Variants in ASIC2 observed in about 807,000 individuals in gnomAD.
ASIC2 encodes the protein acid sensing ion channel subunit 2.
In ASIC2, 25 loss-of-function variants were observed where a neutral mutation model predicts 57.3. The ratio of observed to expected loss-of-function variants is 0.44; its 90% CI spans 0.32 to 0.61. The LOEUF is 0.61. Among genes scored for constraint, ASIC2 ranks in the 20% least tolerant of loss-of-function variants. ASIC2 has a pLI of 0.06. For synonymous variants in ASIC2, 319 were observed against 307.5 expected (o/e 1.04, Z -0.39); for missense variants, 641 against 738.1 (o/e 0.87, Z 1.52).
intron 1 of ASIC2, among the ~76,000 whole-genome samples, chr17:33,836,383 T>A (rs2141904690): frequency 6.6e-6 from 1 of 152,112 alleles, no homozygotes; most frequent in African/African-American, 2.4e-5. Context: ...GATTTCACCA[T>A]GTTTCTCAGG....
At chr17:33,874,045 GC>G (rs1172008082) in intron 1 of ASIC2, among the ~76,000 whole-genome samples, 1 of 152,210 alleles carries the variant, frequency 6.6e-6, no homozygotes, top group African/African-American at 2.4e-5. Flanking sequence ...CTGGGTTTTA[GC>G]CCCACGTCTT....
chr17:33,724,889 T>C (rs1565510), intron 1 of ASIC2, among the ~76,000 whole-genome samples: 56,546 of 152,038 alleles, frequency 0.37, 14,191 homozygotes, highest in African/African-American at 0.72. Context: ...CGTTCATTTT[T>C]TTCTTAAAAA....
chr17:33,851,341 TGAGGCTGG>T (rs1913758874), intron 1 of ASIC2, among the ~76,000 whole-genome samples: 1 of 151,658 alleles, frequency 6.6e-6, no homozygotes, highest in African/African-American at 2.4e-5. Flanking sequence ...TTAAAGACCA[TGAGGCTGG>T]GGGCAATGAT....
chr17:33,561,207 TTA>T, intron 1 of ASIC2, among the ~76,000 whole-genome samples: 1 of 152,192 alleles, frequency 6.6e-6, no homozygotes, highest in South Asian at 2.1e-4. Context: ...ACACTAGAAT[TTA>T]TGGATATATG....
intron 1 of ASIC2, among the ~76,000 whole-genome samples, chr17:33,747,220 G>A (rs1485140597): frequency 1.4e-5 from 2 of 142,078 alleles, no homozygotes; most frequent in African/African-American, 5.4e-5. Flanking sequence ...CCATCCAGCC[G>A]TCTTTTTTTT....
chr17:33,554,965 C>T (rs1915862183), intron 1 of ASIC2, among the ~76,000 whole-genome samples: 1 of 152,104 alleles, frequency 6.6e-6, no homozygotes, highest in South Asian at 2.1e-4. Flanking sequence ...AAATTTTTAT[C>T]CCAGTACTCT....
At chr17:33,425,856 A>T (rs1911201084) in intron 1 of ASIC2, among the ~76,000 whole-genome samples, 1 of 152,104 alleles carries the variant, frequency 6.6e-6, no homozygotes, top group African/African-American at 2.4e-5. Context: ...GACTCCCAGG[A>T]TGTGCATATT....
At chr17:33,600,781 A>G (rs184486508) in intron 1 of ASIC2, among the ~76,000 whole-genome samples, 1 of 152,304 alleles carries the variant, frequency 6.6e-6, no homozygotes, top group Admixed American at 6.5e-5. Flanking sequence ...GAAAGCCAAA[A>G]TCTTAGCAAC....
chr17:34,105,178 T>G (rs1335123972), intron 1 of ASIC2, among the ~76,000 whole-genome samples: 2 of 152,078 alleles, frequency 1.3e-5, no homozygotes, highest in East Asian at 3.8e-4. Flanking sequence ...CATGGGCAGT[T>G]GGTCAGTTGA....
At chr17:33,064,837 G>A (rs1567731971) in intron 3 of ASIC2, among the ~76,000 whole-genome samples, 2 of 152,160 alleles carry the variant, frequency 1.3e-5, no homozygotes, top group African/African-American at 4.8e-5. Flanking sequence ...TATGTCTTTT[G>A]GTGGTCCACA....
At chr17:33,549,121 ACCTAGAACAGTGC>A (rs1915669987) in intron 1 of ASIC2, among the ~76,000 whole-genome samples, 1 of 152,196 alleles carries the variant, frequency 6.6e-6, no homozygotes, top group Non-Finnish European at 1.5e-5. Context: ...CAGCTCCAGC[ACCTAGAACAGTGC>A]CCGGGACATG....
intron 3 of ASIC2, among the ~76,000 whole-genome samples, chr17:33,033,164 G>A (rs535786802): frequency 2.2e-4 from 34 of 152,272 alleles, no homozygotes; most frequent in Middle Eastern, 3.4e-3. Context: ...TGCACACTCC[G>A]TAGAGCCAGT....
chr17:33,377,198 T>C (rs1909311278), intron 1 of ASIC2, among the ~76,000 whole-genome samples: 1 of 152,054 alleles, frequency 6.6e-6, no homozygotes, highest in South Asian at 2.1e-4. Flanking sequence ...CTACAGACAC[T>C]TGCTACCACA....
chr17:33,495,193 T>C (rs2141937408), intron 1 of ASIC2, among the ~76,000 whole-genome samples: 1 of 152,332 alleles, frequency 6.6e-6, no homozygotes, highest in African/African-American at 2.4e-5. Flanking sequence ...CCTTAAATTT[T>C]GTGCCCTGGG....
At chr17:33,448,525 A>T (rs568353866) in intron 1 of ASIC2, among the ~76,000 whole-genome samples, 2 of 152,212 alleles carry the variant, frequency 1.3e-5, no homozygotes, top group Non-Finnish European at 2.9e-5. Context: ...AGGAGAGGAC[A>T]ATGTGAGGAT....
chr17:33,956,829 G>C lies in ASIC2; in HGVS notation c.555+199149C>G, dbSNP rs148574404. On this transcript the variant is annotated intron_variant, in intron 1 of 9. Coordinates refer to the ASIC2 transcript ENST00000359872. The stretch of plus-strand genomic sequence containing the variant: ...CAGATCTTGACCTGGTCCCCAGCTA[G>C]ATGAGCCTGCTCCTTTTGGTTCTGA... 8.5e-5 allele frequency among the ~76,000 whole-genome samples: 13 copies of C among 152,366 alleles called. No individual in the cohort carries two copies. In the East Asian group the frequency reaches 2.5e-3, roughly 29 times the overall value.
intron 1 of ASIC2, among the ~76,000 whole-genome samples, chr17:33,962,185 C>T (rs1041433576): frequency 6.6e-6 from 1 of 152,074 alleles, no homozygotes; most frequent in African/African-American, 2.4e-5. Flanking sequence ...ACCAAGGGCC[C>T]CACAGTCAAA....
At chr17:33,356,326 G>A (rs1450608950) in intron 1 of ASIC2, among the ~76,000 whole-genome samples, 1 of 152,108 alleles carries the variant, frequency 6.6e-6, no homozygotes, top group Admixed American at 6.5e-5. Context: ...GAAAATTCAG[G>A]GGCTCAAGGA....
chr17:34,090,482 T>C (rs1567817042), intron 1 of ASIC2, among the ~76,000 whole-genome samples: 1 of 151,408 alleles, frequency 6.6e-6, no homozygotes, highest in Admixed American at 6.6e-5. Flanking sequence ...GGGGCTGGGG[T>C]TGGGGGTGGG....
Sources: allele counts gnomAD v4.1 joint callset (sites outside exome capture counted in the v4.1 genomes callset), GRCh38; gene constraint gnomAD v4.1.1; transcripts MANE v1.5; gene names NCBI Gene and HGNC (gene_info 2026-07-23, HGNC 2026-07-21).